The following XIRP2 variants were observed in gnomAD, a reference collection of about 807,000 sequenced individuals.
XIRP2 encodes xin actin binding repeat containing 2.
A neutral mutation model predicts 277.0 loss-of-function variants in XIRP2; 236 were observed. The ratio of observed to expected loss-of-function variants is 0.85; its 90% CI spans 0.77 to 0.95. The LOEUF (loss-of-function observed/expected upper bound fraction) is 0.95. XIRP2 is among the 40% of genes least tolerant of loss of function. The pLI is 0.00. For missense variants in XIRP2, 4,640 were observed against 4,157.5 expected (o/e 1.12, Z -3.19); for synonymous variants, 1,490 against 1,416.5 (o/e 1.05, Z -1.17).
intron 2 of XIRP2, among the ~76,000 whole-genome samples, chr2:167,100,938 C>T (rs552606662): frequency 1.8e-4 from 28 of 152,094 alleles, no homozygotes; most frequent in African/African-American, 5.5e-4. Context: ...TCTTTTTGTC[C>T]GACTTTCTTT....
chr2:166,911,467 T>C (rs1458278858), intron 2 of XIRP2, among the ~76,000 whole-genome samples: 3 of 152,186 alleles, frequency 2.0e-5, no homozygotes, highest in Non-Finnish European at 2.9e-5. Flanking sequence ...GCTTGGTAGA[T>C]CTTCCTTCAT....
intron 2 of XIRP2, among the ~76,000 whole-genome samples, chr2:167,033,487 T>C (rs1688422514): frequency 6.6e-6 from 1 of 152,086 alleles, no homozygotes; most frequent in South Asian, 2.1e-4. Flanking sequence ...ACTTTCCAAA[T>C]CTGGAGAAAT....
intron 4 of XIRP2, among the ~76,000 whole-genome samples, chr2:167,217,257 C>T (rs1694279515): frequency 1.4e-5 from 2 of 142,480 alleles, no homozygotes; most frequent in Admixed American, 1.4e-4. Flanking sequence ...GCAATGTGCA[C>T]ATGTACCCTA....
chr2:167,071,476 A>G (rs1689436301), intron 2 of XIRP2, among the ~76,000 whole-genome samples: 1 of 152,212 alleles, frequency 6.6e-6, no homozygotes, highest in Non-Finnish European at 1.5e-5. Flanking sequence ...GACTGCGGTC[A>G]GATGCCTATT....
At chr2:166,940,476 C>T (rs1685674448) in intron 2 of XIRP2, among the ~76,000 whole-genome samples, 1 of 152,210 alleles carries the variant, frequency 6.6e-6, no homozygotes, top group Non-Finnish European at 1.5e-5. Context: ...CAGCTTTGTT[C>T]TGTTGCTGGC....
At chr2:167,012,325 T>C (rs935996005) in intron 2 of XIRP2, among the ~76,000 whole-genome samples, 1 of 151,658 alleles carries the variant, frequency 6.6e-6, no homozygotes, top group Admixed American at 6.6e-5. Context: ...TGTACCCTTT[T>C]AATCAAATCA....
intron 3 of XIRP2, among the ~76,000 whole-genome samples, chr2:167,204,472 C>G (rs1322459958): frequency 6.6e-6 from 1 of 152,186 alleles, no homozygotes; most frequent in Admixed American, 6.5e-5. Flanking sequence ...GGCCAGATTG[C>G]TGAGCTTCCC....
At chr2:167,227,036 G>A (rs539009251) in intron 5 of XIRP2, among the ~76,000 whole-genome samples, 1 of 152,092 alleles carries the variant, frequency 6.6e-6, no homozygotes, top group African/African-American at 2.4e-5. Context: ...AGCTCTCTAG[G>A]TGATTCTAAT....
intron 2 of XIRP2, among the ~76,000 whole-genome samples, chr2:167,072,105 T>TAAGC (rs1313732821): frequency 1.3e-5 from 2 of 152,138 alleles, no homozygotes; most frequent in Non-Finnish European, 2.9e-5. Flanking sequence ...ATATATAATA[T>TAAGC]AAGCATATGC....
At chr2:167,214,226 G>GAGGGAGGGAGGGAGGAAGGAAGGAAGGA (rs1323240476) in intron 4 of XIRP2, among the ~76,000 whole-genome samples, 4 of 67,332 alleles carry the variant, frequency 5.9e-5, no homozygotes, top group African/African-American at 9.9e-5. Context: ...GGGAGGGAGG[G>GAGGGAGGGAGGGAGGAAGGAAGGAAGGA]AGGAAGGAAG....
At chr2:167,191,459 C>A (rs1005310465) in intron 3 of XIRP2, among the ~76,000 whole-genome samples, 3 of 152,062 alleles carry the variant, frequency 2.0e-5, no homozygotes, top group African/African-American at 7.2e-5. Flanking sequence ...CCCAGCCCAC[C>A]CCCATGACTC....
Position 167,250,468 on chromosome 2 carries a change from T to C in XIRP2, c.9076T>C (p.Tyr3026His). ...TCAAGCGGAAGATATGCTTGTGTCC[T>C]ATGAAAATATAATTCAGACAGCCAT... is the stretch of plus-strand genomic sequence containing the variant. ...KTQAEDMLVS[Y>H]ENIIQTAMMS... The change falls in exon 9 of 11, where the codon TAT becomes CAT. Residue 3026 changes from tyrosine (Y) to histidine (H), a missense_variant. Coordinates refer to ENST00000409195, the MANE Select transcript of XIRP2 (RefSeq NM_152381.6). 1 of 1,613,332 alleles carries C rather than the reference T, an allele frequency of 6.2e-7. No individual in the cohort carries two copies. Among genetic ancestry groups the C allele is most frequent in the South Asian group, 1.1e-5 (1 of 90,990 alleles).
At chr2:167,238,087 C>A (rs1185427090) in intron 5 of XIRP2, among the ~76,000 whole-genome samples, 2 of 152,172 alleles carry the variant, frequency 1.3e-5, no homozygotes, top group Non-Finnish European at 2.9e-5. Context: ...ATTGTTCTAT[C>A]CTCAGTTTTG....
chr2:166,896,879 C>T (rs911029379), intron 1 of XIRP2, among the ~76,000 whole-genome samples: 3 of 152,066 alleles, frequency 2.0e-5, no homozygotes, highest in African/African-American at 7.2e-5. Flanking sequence ...TTTTACTGTA[C>T]CTTTTCTATG....
intron 2 of XIRP2, among the ~76,000 whole-genome samples, chr2:167,044,972 G>C (rs1438055926): frequency 2.0e-5 from 3 of 151,672 alleles, no homozygotes; most frequent in Non-Finnish European, 4.4e-5. Context: ...AAAGCCAGAG[G>C]CATCACAATT....
chr2:167,247,811 A>C lies in XIRP2; in HGVS notation c.6419A>C (p.His2140Pro). Residue 2140 changes from histidine to proline, a missense_variant, in exon 9 of 11, where the codon CAT (histidine) becomes CCT (proline). His to Pro is a moderately conservative substitution (Grantham distance 77). Transcript: ENST00000409195. ...GACCACCAGAAAATGGAGGGTTTTC[A>C]TATAAAGAGTCCTAAAAAGACCAAA... ...RNDHQKMEGF[H>P]IKSPKKTKNI... 1.2e-6 allele frequency: 2 copies of C among 1,613,526 alleles called. No individual in the cohort carries two copies. The highest frequency in any genetic ancestry group is 1.7e-6 in the Non-Finnish European group (2 of 1,179,720).
Position 167,247,656 on chromosome 2 carries a change from A to C in XIRP2, c.6264A>C (p.Ser2088=), listed in dbSNP as rs1268687633. The change falls in exon 9 of 11, where the codon TCA becomes TCC. Residue 2088 remains serine, a synonymous_variant. Transcript: ENST00000409195. ...GCAGACAATTAACTTCAACTGTGTC[A>C]GTTAAGAATAATCTAACAACTAAAG... ...YMSRQLTSTV[S]VKNNLTTKES... is the part of the protein sequence containing the mutation. 11 of 1,613,648 alleles carry C rather than the reference A, an allele frequency of 6.8e-6. No individual in the cohort carries two copies. Among genetic ancestry groups the C allele is most frequent in the Non-Finnish European group, 9.3e-6 (11 of 1,179,734 alleles).
Position 167,251,850 on chromosome 2 carries a change from G to A in XIRP2, c.10458G>A (p.Glu3486=), listed in dbSNP as rs534437007. ...VRKNFQKTWQ[E]SGRVFKGLGY... ...AAAATTTTCAAAAGACGTGGCAAGA[G>A]AGTGGAAGAGTTTTTAAAGGCCTGG... Residue 3486 remains glutamate, a synonymous_variant, in exon 9 of 11, where the codon GAG becomes GAA. Coordinates refer to ENST00000409195, the MANE Select transcript of XIRP2 (RefSeq NM_152381.6). 27 of 1,612,474 alleles carry A rather than the reference G, an allele frequency of 1.7e-5. No individual in the cohort carries two copies. Among genetic ancestry groups the A allele is most frequent in the African/African-American group, 2.7e-5 (2 of 74,748 alleles).
At chr2:167,226,791 C>T (rs946167405) in intron 5 of XIRP2, among the ~76,000 whole-genome samples, 2 of 152,108 alleles carry the variant, frequency 1.3e-5, no homozygotes, top group African/African-American at 4.8e-5. Flanking sequence ...TCTCTCTGGG[C>T]CTGAAACAGG....
Sources: gnomAD v4.1 joint callset for allele counts (sites outside exome capture counted in the v4.1 genomes callset) on GRCh38, gnomAD v4.1.1 for gene constraint, MANE v1.5 for transcripts, NCBI Gene and HGNC (gene_info 2026-07-23, HGNC 2026-07-21) for gene names.